Variants in PARP10 observed in about 807,000 individuals in gnomAD.
PARP10 encodes the protein poly(ADP-ribose) polymerase family member 10, also known as protein mono-ADP-ribosyltransferase PARP10.
In PARP10, 56 loss-of-function variants were observed where a neutral mutation model predicts 82.4. That is an observed-to-expected ratio of 0.68 (90% confidence interval 0.55 to 0.85). The LOEUF (loss-of-function observed/expected upper bound fraction) is 0.85. Ranked by LOEUF, PARP10 falls within the 40% of genes least tolerant of loss-of-function variation. The pLI is 0.00. For missense variants in PARP10, 1,227 were observed against 1,379.4 expected, an observed-to-expected ratio of 0.89 and a Z score of 1.75; for synonymous variants, 576 against 601.1, an observed-to-expected ratio of 0.96 and a Z score of 0.61.
At chr8:144,009,641 C>T (rs1169906816) in intron 1 of PARP10, among the ~76,000 whole-genome samples, 1 of 152,324 alleles carries the variant, frequency 6.6e-6, no homozygotes, top group East Asian at 1.9e-4. Context: ...CCCCCTGCCT[C>T]CTGGCTCATC....
chr8:143,986,204 A>G lies in PARP10; in HGVS notation c.32T>C (p.Val11Ala), dbSNP rs782740279. Residue 11 changes from valine (V) to alanine (A), a missense_variant, in exon 2 of 11, where the codon GTG becomes GCG. By Grantham distance (64) the Val-to-Ala change is moderately conservative. Transcript: ENST00000313028. MVAMAEAEAG[V>A]AVEVRGLPPA... ...GGGCAGTCCACGGACCTCCACTGCC[A>G]CCCCTGCCTCTGCCTCCGCCATTGC... 6.2e-7 allele frequency: 1 copy of G among 1,612,430 alleles called. No individual in the cohort carries two copies. Among genetic ancestry groups the G allele is most frequent in the South Asian group, 1.1e-5 (1 of 91,078 alleles).
At chr8:144,005,142 G>A (rs1315355466) in intron 1 of PARP10, among the ~76,000 whole-genome samples, 1 of 150,356 alleles carries the variant, frequency 6.7e-6, no homozygotes, top group Non-Finnish European at 1.5e-5. Context: ...TTGCACCACT[G>A]CACTGCAGCC....
upstream of PARP10, chr8:143,992,025 C>T (rs1554750605): frequency 1.9e-6 from 3 of 1,613,828 alleles, no homozygotes; most frequent in South Asian, 3.3e-5. Flanking sequence ...TCTCATCGTC[C>T]TCAGCTGTTG....
chr8:143,977,715 C>T lies in PARP10; in HGVS notation c.2847G>A (p.Leu949=), dbSNP rs782333510. 38 of 1,596,654 alleles carry T rather than the reference C, an allele frequency of 2.4e-5. No homozygotes were observed. In the East Asian group the frequency reaches 4.1e-4, roughly 17 times the overall value. ...GHKAVFVARV[L]TGDYGQGRRG... is the part of the protein sequence containing the mutation. The stretch of plus-strand genomic sequence containing the variant: ...GGCGGCCCTGCCCGTAGTCGCCAGT[C>T]AGCACCCGTGCCACGAACACCGCCT... The change falls in exon 11 of 11, where the codon CTG becomes CTA. Residue 949 remains leucine (L), a synonymous_variant. Transcript: ENST00000313028.
At chr8:144,005,236 C>T (rs1381006475) in intron 1 of PARP10, among the ~76,000 whole-genome samples, 1 of 150,918 alleles carries the variant, frequency 6.6e-6, no homozygotes, top group African/African-American at 2.4e-5. Context: ...GAGGGACCAG[C>T]ATCCACCAAG....
chr8:144,004,136 G>A (rs1554751902), intron 1 of PARP10, among the ~76,000 whole-genome samples: 1 of 151,648 alleles, frequency 6.6e-6, no homozygotes. Flanking sequence ...AATATAATGA[G>A]ACCCTATCTC....
rs530809121 is a variant in PARP10, at chr8:144,008,114, G to A, written c.-80+4416C>T. ...CTCCTCGTCAGCAACAGGCAGACCC[G>A]GAGGTTCAACATGGCCACGGCAGGC... On this transcript the variant is annotated intron_variant, in intron 1 of 3. Transcript: ENST00000530478. The surrounding 1 kb of genome is among the most constrained non-coding windows in gnomAD (Gnocchi z 4.0). Among the ~76,000 whole-genome samples, 16 of 152,280 alleles carry A rather than the reference G, an allele frequency of 1.1e-4. No homozygotes were observed. Among genetic ancestry groups the A allele is most frequent in the South Asian group, 6.2e-4 (3 of 4,828 alleles).
chr8:144,012,600 C>A (rs1273848629), exon 1 of PARP10: 15 of 1,551,742 alleles, frequency 9.7e-6, no homozygotes, highest in Non-Finnish European at 1.2e-5. Context: ...GAAGTTGGTG[C>A]GGCTCATTCG....
At position 143,984,787 on chromosome 8, in the gene PARP10, C is replaced by T. The variant is rs1554748793; in HGVS notation, c.1215G>A (p.Met405Ile). Residue 405 changes from methionine to isoleucine, a missense_variant, in exon 5 of 11, where the codon ATG becomes ATA. Met to Ile is a conservative substitution (Grantham distance 10). Transcript: ENST00000313028. ...LGQEGLVEIAMDSPEQEGLVG... is the reference protein window; with the variant it reads ...LGQEGLVEIAIDSPEQEGLVG... ...CCAGCCCCTCTTGCTCTGGTGAGTC[C>T]ATGGCAATTTCCACCAGGCCCTCCT... is the stretch of plus-strand genomic sequence containing the variant. 1 of 1,612,354 alleles carries T rather than the reference C, an allele frequency of 6.2e-7. No homozygotes were observed. Among genetic ancestry groups the T allele is most frequent in the Non-Finnish European group, 8.5e-7 (1 of 1,178,980 alleles).
upstream of PARP10, among the ~76,000 whole-genome samples, chr8:143,994,689 C>T (rs749791766): frequency 5.3e-5 from 8 of 152,182 alleles, no homozygotes; most frequent in African/African-American, 7.2e-5. Flanking sequence ...TTCCCAGCCA[C>T]GAGGGCACCT....
At chr8:143,980,043 C>G (rs187446015) in intron 9 of PARP10, among the ~76,000 whole-genome samples, 2 of 135,112 alleles carry the variant, frequency 1.5e-5, no homozygotes, top group Non-Finnish European at 3.2e-5. Flanking sequence ...CCGTCTCAGC[C>G]GGGCGCGGTG....
At chr8:143,991,205 G>A (rs1554750360), upstream of PARP10, 3 of 1,549,648 alleles carry the variant, frequency 1.9e-6, no homozygotes, top group East Asian at 4.8e-5. Flanking sequence ...TCTAGGGGCG[G>A]ACCGCGGAAC....
chr8:143,997,704 C>G (rs1587472798), intron 1 of PARP10, among the ~76,000 whole-genome samples: 1 of 152,240 alleles, frequency 6.6e-6, no homozygotes, highest in Non-Finnish European at 1.5e-5. Flanking sequence ...ACCTGAGATC[C>G]CAACTCCCAC....
chr8:143,980,318 T>TAAAAAAAAAAAAAAAAAAAA (rs1564247548), intron 9 of PARP10, among the ~76,000 whole-genome samples: 1 of 15,666 alleles, frequency 6.4e-5, no homozygotes, highest in African/African-American at 1.4e-4. Flanking sequence ...AGATTCCGTC[T>TAAAAAAAAAAAAAAAAAAAA]CAAAAAAAAA....
chr8:143,992,399 G>A (rs782215527), upstream of PARP10: 2 of 1,610,194 alleles, frequency 1.2e-6, no homozygotes, highest in Non-Finnish European at 1.7e-6. Context: ...TGGCTGGGCT[G>A]TGGCCGCAGG....
At chr8:143,991,298 C>T (rs1554750392), upstream of PARP10, 1 of 1,452,220 alleles carries the variant, frequency 6.9e-7, no homozygotes, top group Non-Finnish European at 9.3e-7. Flanking sequence ...CGGGGGGGCC[C>T]CAGCCACCCA....
upstream of PARP10, among the ~76,000 whole-genome samples, chr8:143,995,221 C>T (rs1554751188): frequency 6.6e-6 from 1 of 152,148 alleles, no homozygotes; most frequent in East Asian, 1.9e-4. Context: ...GCAGGGGCCA[C>T]AGCTGGGTTT....
At chr8:143,978,246 C>G (rs567530296) in intron 9 of PARP10, among the ~76,000 whole-genome samples, 165 bp from the exon 10 acceptor site, 1 of 152,210 alleles carries the variant, frequency 6.6e-6, no homozygotes, top group Admixed American at 6.5e-5. Flanking sequence ...GACAGTAACA[C>G]CTCCGTGAAG....
At position 143,981,344 on chromosome 8, in the gene PARP10, A is replaced by AGGTGGT. The variant is rs1564248354; in HGVS notation, c.2556+1587_2556+1588insACCACC. 1.0e-4 allele frequency among the ~76,000 whole-genome samples: 11 copies of AGGTGGT among 108,496 alleles called. No homozygotes were observed. In the East Asian group the frequency reaches 2.1e-3, roughly 20 times the overall value. The allele number at this position is 108,496 out of a possible 152,430, so 71.2% of individuals were successfully genotyped here. A position where few individuals can be genotyped will look rare whatever the true frequency, so the allele number is the denominator to read the frequency against. On this transcript the variant is annotated intron_variant, in intron 9 of 10. Transcript: ENST00000313028. ...TGGTGGTGACGACAGTGAGTGGTGAAGGTGATGGTGATGATGGTGGTGACG... is the reference window on the plus strand; with the variant it reads ...TGGTGGTGACGACAGTGAGTGGTGAAGGTGGTGGTGATGGTGATGATGGTGGTGACG...
Sources: allele counts gnomAD v4.1 joint callset (sites outside exome capture counted in the v4.1 genomes callset), GRCh38; gene constraint gnomAD v4.1.1; non-coding constraint Gnocchi (gnomAD v3.1); transcripts MANE v1.5; gene names NCBI Gene and HGNC (gene_info 2026-07-23, HGNC 2026-07-21).